FRMD3: variants seen among roughly 807,000 people sequenced by gnomAD.
FRMD3 encodes the protein FERM domain containing 3.
Under a neutral mutation model 70.2 loss-of-function variants are expected in FRMD3, and 33 were observed. That is an observed-to-expected ratio of 0.47 (90% CI 0.36 to 0.63). The LOEUF (loss-of-function observed/expected upper bound fraction) is 0.63. FRMD3 is among the 20% of genes least tolerant of loss of function. FRMD3 has a pLI of 0.00. For missense variants in FRMD3, 632 were observed against 711.4 expected (o/e 0.89, Z 1.27); for synonymous variants, 279 against 255.9 (o/e 1.09, Z -0.86).
Position 83,248,600 on chromosome 9 carries a change from A to G in FRMD3, c.1196-84T>C, listed in dbSNP as rs1049085198. 4 of 1,377,378 alleles carry G rather than the reference A, an allele frequency of 2.9e-6. No individual in the cohort carries two copies. The African/African-American group carries it at 4.4e-5, about 15-fold the overall frequency. 85.3% of individuals were successfully genotyped at this position (1,377,378 alleles called of 1,614,324 possible). On this transcript the variant is annotated intron_variant, in intron 13 of 13. Coordinates refer to ENST00000304195, the MANE Select transcript of FRMD3 (RefSeq NM_174938.6). ...GCAGGAAGAAACAGAAAAACAAAAA[A>G]CTAATGGGATTCAAGCAATCTATGA...
intron 10 of FRMD3, 135 bp from the exon 11 acceptor site, chr9:83,299,321 G>A (rs1405193524): frequency 5.0e-6 from 3 of 598,844 alleles, no homozygotes; most frequent in Non-Finnish European, 5.9e-6. Flanking sequence ...CCTGCATTGT[G>A]CACACAAAAT....
chr9:83,307,235 A>G (rs1197646841), intron 10 of FRMD3, among the ~76,000 whole-genome samples: 1 of 152,236 alleles, frequency 6.6e-6, no homozygotes, highest in Admixed American at 6.5e-5. Context: ...GAAGAGTTCC[A>G]AAAGCTTAGG....
chr9:83,491,565 T>A (rs1160667344), intron 1 of FRMD3, among the ~76,000 whole-genome samples: 1 of 152,112 alleles, frequency 6.6e-6, no homozygotes, highest in Non-Finnish European at 1.5e-5. Flanking sequence ...GCACTTCAAG[T>A]CTGTGATGAG....
intron 6 of FRMD3, among the ~76,000 whole-genome samples, chr9:83,331,314 T>C (rs866298669): frequency 2.4e-4 from 37 of 152,302 alleles, no homozygotes; most frequent in Admixed American, 4.6e-4. Flanking sequence ...GGAGGAAACT[T>C]AAATGCATAT....
At chr9:83,273,609 T>TAAAAAAAAAAAAAAAAAAAA (rs899879607) in intron 13 of FRMD3, among the ~76,000 whole-genome samples, 1 of 71,320 alleles carries the variant, frequency 1.4e-5, no homozygotes, top group Non-Finnish European at 2.8e-5. Flanking sequence ...CAATAAATAC[T>TAAAAAAAAAAAAAAAAAAAA]AAAAAAAAAA....
At chr9:83,474,635 A>G (rs1828350660) in intron 1 of FRMD3, among the ~76,000 whole-genome samples, 1 of 152,270 alleles carries the variant, frequency 6.6e-6, no homozygotes, top group Non-Finnish European at 1.5e-5. Context: ...ATAGATAAGC[A>G]TATTTTAAAA....
At chr9:83,320,047 G>T (rs1835733384) in intron 6 of FRMD3, among the ~76,000 whole-genome samples, 1 of 152,068 alleles carries the variant, frequency 6.6e-6, no homozygotes, top group African/African-American at 2.4e-5. Context: ...TTAAATCTAA[G>T]AATCTTTTGG....
At chr9:83,466,950 A>T (rs1220724330) in intron 1 of FRMD3, among the ~76,000 whole-genome samples, 2 of 152,184 alleles carry the variant, frequency 1.3e-5, no homozygotes, top group Non-Finnish European at 2.9e-5. Flanking sequence ...AGGAGCTAGA[A>T]ATATCACATT....
intron 3 of FRMD3, among the ~76,000 whole-genome samples, chr9:83,360,546 G>C (rs1377544619): frequency 1.3e-5 from 2 of 148,618 alleles, no homozygotes; most frequent in African/African-American, 2.5e-5. Flanking sequence ...GAAAGAATGC[G>C]GGCATTCCTG....
At chr9:83,507,705 T>TAC (rs1162899051) in intron 1 of FRMD3, among the ~76,000 whole-genome samples, 8 of 79,164 alleles carry the variant, frequency 1.0e-4, no homozygotes, top group South Asian at 8.8e-4. Flanking sequence ...TATATATATA[T>TAC]ATATATATAT....
chr9:83,421,218 G>A (rs1826632373), intron 1 of FRMD3, among the ~76,000 whole-genome samples: 2 of 152,180 alleles, frequency 1.3e-5, no homozygotes, highest in South Asian at 2.1e-4. Flanking sequence ...GGGATTACAG[G>A]CGTGAGCCAC....
chr9:83,495,283 C>T (rs893476534), intron 1 of FRMD3, among the ~76,000 whole-genome samples: 17 of 152,114 alleles, frequency 1.1e-4, no homozygotes, highest in African/African-American at 2.9e-4. Context: ...GAGCAAGTGG[C>T]CATCTGTGTC....
chr9:83,500,992 C>T (rs186880942), intron 1 of FRMD3, among the ~76,000 whole-genome samples: 19 of 152,182 alleles, frequency 1.2e-4, no homozygotes, highest in South Asian at 4.2e-4. Flanking sequence ...ATAATATATG[C>T]GAAATACATT....
intron 1 of FRMD3, among the ~76,000 whole-genome samples, chr9:83,494,414 G>T (rs1241183065): frequency 6.6e-6 from 1 of 152,100 alleles, no homozygotes; most frequent in Non-Finnish European, 1.5e-5. Context: ...ATGCCAATTT[G>T]GTTGTTTTTT....
At chr9:83,346,404 C>T (rs1051755239) in intron 4 of FRMD3, among the ~76,000 whole-genome samples, 2 of 151,984 alleles carry the variant, frequency 1.3e-5, no homozygotes, top group East Asian at 3.9e-4. Flanking sequence ...CAGGGATGAA[C>T]TTTGAAAGCA....
At position 83,367,744 on chromosome 9, in the gene FRMD3, A is replaced by G. The variant is rs145599800; in HGVS notation, c.295+5169T>C. The stretch of plus-strand genomic sequence containing the variant: ...GCCTAATTTATTTAATAGTTATAAT[A>G]CTACTCAAGTTATATATTTTATTTT... On this transcript the variant is annotated intron_variant, in intron 3 of 13. Transcript: ENST00000304195. 2.6e-4 allele frequency among the ~76,000 whole-genome samples: 39 copies of G among 152,340 alleles called. 1 individual carries two copies. In the Middle Eastern group the frequency reaches 0.014, roughly 53 times the overall value.
chr9:83,288,569 C>T (rs572814070), intron 13 of FRMD3, among the ~76,000 whole-genome samples: 1 of 152,290 alleles, frequency 6.6e-6, no homozygotes, highest in African/African-American at 2.4e-5. Context: ...ATCGATAGAG[C>T]TATTGTGGAC....
intron 3 of FRMD3, among the ~76,000 whole-genome samples, chr9:83,352,847 T>A (rs1201021181): frequency 6.6e-6 from 1 of 152,158 alleles, no homozygotes; most frequent in Non-Finnish European, 1.5e-5. Context: ...GAGTTTACAA[T>A]AGGCCCACAG....
chr9:83,398,366 G>A (rs1488804886), intron 1 of FRMD3, among the ~76,000 whole-genome samples: 3 of 152,174 alleles, frequency 2.0e-5, no homozygotes, highest in Admixed American at 6.6e-5. Flanking sequence ...CCAAGAATAT[G>A]AGAGAAATAT....
Sources: allele counts gnomAD v4.1 joint callset (sites outside exome capture counted in the v4.1 genomes callset), GRCh38; gene constraint gnomAD v4.1.1; transcripts MANE v1.5; gene names NCBI Gene and HGNC (gene_info 2026-07-23, HGNC 2026-07-21).